Variants in SLC22A13 observed in about 807,000 individuals in gnomAD.
The protein encoded by SLC22A13 is solute carrier family 22 member 13.
Under a neutral mutation model 49.1 loss-of-function variants are expected in SLC22A13, and 42 were observed. That is an observed-to-expected ratio of 0.85 (90% CI 0.67 to 1.11). SLC22A13 has a LOEUF of 1.11. Among genes scored for constraint, SLC22A13 ranks in the 50% least tolerant of loss-of-function variants. The probability of loss-of-function intolerance (pLI) is 0.00; values close to 1 mark genes in which losing one functional copy is unlikely to be tolerated. For missense variants in SLC22A13, 694 were observed against 712.8 expected (o/e 0.97, Z 0.30); for synonymous variants, 282 against 293.1 (o/e 0.96, Z 0.39).
chr3:38,273,735 G>A (rs1035740178), intron 1 of SLC22A13, among the ~76,000 whole-genome samples: 1 of 152,194 alleles, frequency 6.6e-6, no homozygotes, highest in Non-Finnish European at 1.5e-5. Context: ...TCAAACAAGT[G>A]TTTATGTCCT....
chr3:38,275,242 ACAGT>A, intron 4 of SLC22A13, 85 bp downstream of exon 4: 1 of 1,592,726 alleles, frequency 6.3e-7, no homozygotes, highest in Non-Finnish European at 8.6e-7. Context: ...TGTTCATAGG[ACAGT>A]CAGAGGTGAG....
rs2125861611 is a variant in SLC22A13, at chr3:38,265,835, G to A, written c.-26G>A. ...CTACAGAGCTACCCTAGTGTCCCCA[G>A]GCTGAGGAGGTAGTGACTGGCATAC... is the stretch of plus-strand genomic sequence containing the variant. On this transcript the variant is annotated 5_prime_UTR_variant, in exon 1 of 10. Transcript: ENST00000311856. The A allele has an allele frequency of 1.2e-6, 2 of 1,610,534 alleles. No homozygotes were observed. Among genetic ancestry groups the A allele is most frequent in the East Asian group, 2.2e-5 (1 of 44,886 alleles).
At chr3:38,266,362 A>G (rs1040657772) in intron 1 of SLC22A13, 124 bp downstream of exon 1, 2 of 1,119,052 alleles carry the variant, frequency 1.8e-6, no homozygotes, top group Non-Finnish European at 1.3e-6. Context: ...CCATGGGCAC[A>G]TATGTTTTTC....
intron 1 of SLC22A13, among the ~76,000 whole-genome samples, chr3:38,269,492 A>AG (rs1703497008): frequency 6.6e-6 from 1 of 152,064 alleles, no homozygotes; most frequent in South Asian, 2.1e-4. Context: ...TCCTGACCTC[A>AG]GGTGATCCAC....
rs1233663267 is a variant in SLC22A13 at position 38,277,115 on chromosome 3, G to A, written c.1550G>A (p.Gly517Glu). ...LKDTLQDLEL[G>E]PHPRSPKSVP... ...GACACCCTCCAGGACCTGGAGCTGG[G>A]GCCTCACCCACGGTGAGCTGCTTGC... Residue 517 changes from glycine to glutamate, a missense_variant, in exon 9 of 10, where the codon GGG becomes GAG. Gly to Glu is a moderately conservative substitution (Grantham distance 98). Coordinates refer to ENST00000311856, the MANE Select transcript of SLC22A13 (RefSeq NM_004256.4). 3 of 1,562,614 alleles carry A rather than the reference G, an allele frequency of 1.9e-6. No homozygotes were observed. Among genetic ancestry groups the A allele is most frequent in the South Asian group, 2.3e-5 (2 of 85,288 alleles).
chr3:38,268,550 A>G (rs188144305), intron 1 of SLC22A13, among the ~76,000 whole-genome samples: 7 of 152,344 alleles, frequency 4.6e-5, no homozygotes, highest in Admixed American at 2.6e-4. Context: ...TTTTCAGATT[A>G]TGAACTCACT....
chr3:38,271,301 G>A (rs992935727), intron 1 of SLC22A13, among the ~76,000 whole-genome samples: 2 of 151,760 alleles, frequency 1.3e-5, no homozygotes, highest in African/African-American at 2.4e-5. Context: ...GCAGTGGCTC[G>A]TGCCTGTAAT....
chr3:38,277,010 T>A lies in SLC22A13; in HGVS notation c.1445T>A (p.Met482Lys), dbSNP rs1226284352. ...GGAGAGTACCACGCTGCCCTCCCCA[T>A]GCTCATCTACGGCAGCCTCCCCATC... ...LLGEYHAALP[M>K]LIYGSLPIVA... is the part of the protein sequence containing the mutation. The change falls in exon 9 of 10, where the codon ATG (methionine) becomes AAG (lysine). Residue 482 changes from methionine (M) to lysine (K), a missense_variant. Met to Lys is a moderately conservative substitution (Grantham distance 95). Transcript: ENST00000311856. 6.2e-7 allele frequency: 1 copy of A among 1,610,816 alleles called. No homozygotes were observed. The highest frequency in any genetic ancestry group is 1.1e-5 in the South Asian group (1 of 90,238).
In SLC22A13 at chr3:38,276,977, T is replaced by A; in HGVS notation, c.1412T>A (p.Ile471Asn). The A allele has an allele frequency of 1.9e-6, 3 of 1,613,636 alleles. No homozygotes were observed. Among genetic ancestry groups the A allele is most frequent in the South Asian group, 1.1e-5 (1 of 90,904 alleles). ...RIGGILTPLV[I>N]LLGEYHAALP... is the part of the protein sequence containing the mutation. Reference sequence around the variant, plus strand: ...GGGGGCATCCTCACACCACTTGTGATCCTGCTGGGAGAGTACCACGCTGCC... The same window carrying A: ...GGGGGCATCCTCACACCACTTGTGAACCTGCTGGGAGAGTACCACGCTGCC... The change falls in exon 9 of 10, where the codon ATC becomes AAC. Residue 471 changes from isoleucine (I) to asparagine (N), a missense_variant. Ile to Asn is a moderately radical substitution (Grantham distance 149, BLOSUM62 -3). Coordinates refer to ENST00000311856, the MANE Select transcript of SLC22A13 (RefSeq NM_004256.4).
chr3:38,274,803 A>C (rs752121507), intron 3 of SLC22A13, 45 bp downstream of exon 3: 1 of 1,582,292 alleles, frequency 6.3e-7, no homozygotes, highest in Admixed American at 1.8e-5. Flanking sequence ...GGTGAGGCCC[A>C]GGGGCCTGGG....
At chr3:38,275,842 C>T (rs374893821) in intron 6 of SLC22A13, 40 bp from the exon 7 acceptor site, 68 of 1,579,204 alleles carry the variant, frequency 4.3e-5, no homozygotes, top group Non-Finnish European at 5.6e-5. Flanking sequence ...GGTGGTGTCT[C>T]GTCACCCAGC....
intron 1 of SLC22A13, among the ~76,000 whole-genome samples, chr3:38,271,582 C>T (rs1703523256): frequency 6.8e-6 from 1 of 147,198 alleles, no homozygotes; most frequent in Non-Finnish European, 1.5e-5. Flanking sequence ...ACTCCCCTGT[C>T]TACGTGGACC....
intron 1 of SLC22A13, among the ~76,000 whole-genome samples, chr3:38,269,577 T>C (rs1467681179): frequency 1.3e-5 from 2 of 152,092 alleles, no homozygotes; most frequent in Non-Finnish European, 2.9e-5. Flanking sequence ...ATTCTTAGTT[T>C]GACTTAAACC....
chr3:38,274,208 C>A, intron 1 of SLC22A13, 64 bp from the exon 2 acceptor site: 1 of 1,187,590 alleles, frequency 8.4e-7, no homozygotes, highest in Non-Finnish European at 1.3e-6. Context: ...TGTAGTGGGA[C>A]AGGTGGTGTA....
Position 38,275,655 on chromosome 3 carries a change from G to C in SLC22A13, c.1005G>C (p.Leu335=). 2 of 1,614,108 alleles carry C rather than the reference G, an allele frequency of 1.2e-6. No homozygotes were observed. The highest frequency in any genetic ancestry group is 1.7e-6 in the Non-Finnish European group (2 of 1,180,000). Residue 335 remains leucine, a synonymous_variant, in exon 6 of 10, where the codon CTG becomes CTC. Coordinates refer to ENST00000311856, the MANE Select transcript of SLC22A13 (RefSeq NM_004256.4). ...ACCCCCAGCTCCGGAAGGTGACCCT[G>C]ATTATCTTCTGTGTCTGGTGAGTGC... The part of the protein sequence containing the change: ...FRHPQLRKVT[L]IIFCVWFVDS...
chr3:38,276,207 G>A (rs1165089217), intron 7 of SLC22A13, 80 bp from the exon 8 acceptor site: 3 of 1,479,944 alleles, frequency 2.0e-6, no homozygotes, highest in East Asian at 4.5e-5. Flanking sequence ...CCGGGGGTTT[G>A]GGTACAGAAG....
rs1294919956 is a variant in SLC22A13 at position 38,275,564 on chromosome 3, C to T, written c.928-14C>T. On this transcript the variant is annotated splice_polypyrimidine_tract_variant and intron_variant, in intron 5 of 9. Coordinates refer to ENST00000311856, the MANE Select transcript of SLC22A13 (RefSeq NM_004256.4). Reference sequence around the variant, plus strand: ...TCTTCCTGCCTGGCTTCTCACTCTGCTTCTTCCTCCCAGCTGGTCCCAGAG... The same window carrying T: ...TCTTCCTGCCTGGCTTCTCACTCTGTTTCTTCCTCCCAGCTGGTCCCAGAG... 6 of 1,614,020 alleles carry T rather than the reference C, an allele frequency of 3.7e-6. No homozygotes were observed. The highest frequency in any genetic ancestry group is 2.2e-5 in the East Asian group (1 of 44,880).
intron 1 of SLC22A13, among the ~76,000 whole-genome samples, chr3:38,272,863 C>G (rs1054064797): frequency 6.6e-6 from 1 of 152,230 alleles, no homozygotes; most frequent in Admixed American, 6.5e-5. Flanking sequence ...ATTCAGCAGA[C>G]ATCCTCTTAG....
Position 38,276,391 on chromosome 3 carries a change from C to A in SLC22A13, c.1342C>A (p.Leu448Ile), listed in dbSNP as rs138482258. The change falls in exon 8 of 10, where the codon CTC becomes ATC. Residue 448 changes from leucine (L) to isoleucine (I), a missense_variant. Transcript: ENST00000311856. Reference protein sequence around the residue: ...VYSAELFPTILRQTGMGLVGI... With the variant: ...VYSAELFPTIIRQTGMGLVGI... ...CTCTGCCGAGCTTTTCCCCACCATC[C>A]TCCGGTAAGAGCTGCAGTGTGACTC... 3 of 1,605,952 alleles carry A rather than the reference C, an allele frequency of 1.9e-6. No homozygotes were observed. Among genetic ancestry groups the A allele is most frequent in the South Asian group, 1.1e-5 (1 of 90,444 alleles).
Sources: allele counts gnomAD v4.1 joint callset (sites outside exome capture counted in the v4.1 genomes callset), GRCh38; gene constraint gnomAD v4.1.1; transcripts MANE v1.5; gene names NCBI Gene and HGNC (gene_info 2026-07-23, HGNC 2026-07-21).